RIPOR1: variants seen among roughly 807,000 people sequenced by gnomAD.
The protein encoded by RIPOR1 is rho family-interacting cell polarization regulator 1.
In RIPOR1, 58 loss-of-function variants were observed where a neutral mutation model predicts 116.5. That is an observed-to-expected ratio of 0.50 (90% confidence interval 0.40 to 0.62). The LOEUF (loss-of-function observed/expected upper bound fraction) is 0.62, where lower values mean the gene tolerates loss of function less well. RIPOR1 is among the 20% of genes least tolerant of loss of function. RIPOR1 has a pLI of 0.00. For missense variants in RIPOR1, 1,372 were observed against 1,586.2 expected (o/e 0.86, Z 2.29); for synonymous variants, 605 against 650.0 (o/e 0.93, Z 1.05).
Position 67,540,833 on chromosome 16 carries a change from A to G in RIPOR1, c.801+129A>G, listed in dbSNP as rs1453301181. 1.0e-6 allele frequency: 1 copy of G among 990,560 alleles called. No homozygotes were observed. Among genetic ancestry groups the G allele is most frequent in the East Asian group, 2.5e-5 (1 of 40,232 alleles). 61.4% of individuals were successfully genotyped at this position (990,560 alleles called of 1,614,324 possible). Reference sequence around the variant, plus strand: ...AGCCCTGTGAAGATATGATTCCATGACCTTCATGATCTCTGTGGCCCTGAG... The same window carrying G: ...AGCCCTGTGAAGATATGATTCCATGGCCTTCATGATCTCTGTGGCCCTGAG... On this transcript the variant is annotated intron_variant, in intron 10 of 21. Coordinates refer to ENST00000042381, the MANE Select transcript of RIPOR1 (RefSeq NM_024519.4). This position sits in a 1 kb window ranked among gnomAD's most constrained non-coding sequence, Gnocchi z 4.7.
rs951785029 is a variant in RIPOR1, at chr16:67,544,533, C to G, written c.2733+102C>G. On this transcript the variant is annotated intron_variant, in intron 15 of 21. Coordinates refer to ENST00000042381, the MANE Select transcript of RIPOR1 (RefSeq NM_024519.4). The surrounding 1 kb of genome is among the most constrained non-coding windows in gnomAD (Gnocchi z 5.1). ...TCTATACCTCCTCTGAGTGCCACAC[C>G]CCAGTGCCCCAGGGCCCTTGGCATC... The G allele has an allele frequency of 1.8e-5, 28 of 1,531,910 alleles. No individual in the cohort carries two copies. Among genetic ancestry groups the G allele is most frequent in the Non-Finnish European group, 2.5e-5 (28 of 1,130,848 alleles). 94.9% of individuals were successfully genotyped at this position (1,531,910 alleles called of 1,614,324 possible).
intron 1 of RIPOR1, chr16:67,538,039 A>G (rs1025102907): frequency 5.0e-6 from 1 of 201,338 alleles, no homozygotes; most frequent in African/African-American, 2.3e-5. Flanking sequence ...GGGGGGGGAA[A>G]TCGGGGGCAG....
rs748329109 is a variant in RIPOR1, at chr16:67,545,442, G to A, written c.3098G>A (p.Gly1033Glu). 1.2e-6 allele frequency: 2 copies of A among 1,613,940 alleles called. No homozygotes were observed. Among genetic ancestry groups the A allele is most frequent in the African/African-American group, 2.7e-5 (2 of 74,952 alleles). Residue 1033 changes from glycine (G) to glutamate (E), a missense_variant, in exon 18 of 22, where the codon GGA becomes GAA. By Grantham distance (98) the Gly-to-Glu change is moderately conservative. Transcript: ENST00000042381. This position sits in a 1 kb window ranked among gnomAD's most constrained non-coding sequence, Gnocchi z 4.8. ...KLPRRPQPGP[G>E]EQLTVFQFWS... ...CCCAGAAGGCCCCAGCCAGGGCCTG[G>A]AGAGCAGCTCACAGTCTTCCAGTTC...
chr16:67,545,230 A>C lies in RIPOR1; in HGVS notation c.3031+113A>C. 6.5e-7 allele frequency: 1 copy of C among 1,532,486 alleles called. No individual in the cohort carries two copies. The highest frequency in any genetic ancestry group is 2.3e-5 in the East Asian group (1 of 44,166). 94.9% of individuals were successfully genotyped at this position (1,532,486 alleles called of 1,614,324 possible). A position where few individuals can be genotyped will look rare whatever the true frequency, so the allele number is the denominator to read the frequency against. ...CGAACTGGGCACCGAGGAGACCAGC[A>C]AAGACTTGGGCCTTAGAGCAGAAGG... On this transcript the variant is annotated intron_variant, in intron 17 of 21. Coordinates refer to ENST00000042381, the MANE Select transcript of RIPOR1 (RefSeq NM_024519.4). The surrounding 1 kb of genome is among the most constrained non-coding windows in gnomAD (Gnocchi z 4.8).
rs2050931812 is a variant in RIPOR1 at position 67,540,127 on chromosome 16, C to T, written c.489C>T (p.Tyr163=). Reference sequence around the variant, plus strand: ...GTGCCTACAACATGGTCCGTGCCTACACCACTGGGTCCCCGGGAAGCCGAG... The same window carrying T: ...GTGCCTACAACATGGTCCGTGCCTATACCACTGGGTCCCCGGGAAGCCGAG... ...RDGAYNMVRA[Y]TTGSPGSREA... is the part of the protein sequence containing the mutation. The change falls in exon 7 of 22, where the codon TAC becomes TAT. Residue 163 remains tyrosine (Y), a synonymous_variant. Coordinates refer to ENST00000042381, the MANE Select transcript of RIPOR1 (RefSeq NM_024519.4). The surrounding 1 kb of genome is among the most constrained non-coding windows in gnomAD (Gnocchi z 4.7). 4 of 1,614,078 alleles carry T rather than the reference C, an allele frequency of 2.5e-6. No individual in the cohort carries two copies. Among genetic ancestry groups the T allele is most frequent in the African/African-American group, 1.3e-5 (1 of 74,918 alleles).
rs1384578778 is a variant in RIPOR1 at position 67,530,256 on chromosome 16, C to T, written c.-24+1342C>T. Among the ~76,000 whole-genome samples, 1 of 152,164 alleles carries T rather than the reference C, an allele frequency of 6.6e-6. No homozygotes were observed. Among genetic ancestry groups the T allele is most frequent in the Non-Finnish European group, 1.5e-5 (1 of 68,000 alleles). ...TGGCCAGGCCCGGCCCGGGGGAGGC[C>T]GCCTGGCTCCCAGCGCGCGGCCAGG... On this transcript the variant is annotated intron_variant, in intron 1 of 21. Transcript: ENST00000042381. This position sits in a 1 kb window ranked among gnomAD's most constrained non-coding sequence, Gnocchi z 4.5.
intron 1 of RIPOR1, among the ~76,000 whole-genome samples, chr16:67,533,838 G>C (rs1027539342): frequency 2.2e-5 from 3 of 138,754 alleles, no homozygotes; most frequent in Non-Finnish European, 4.6e-5. Context: ...ATGGAGTTTT[G>C]CTCTTGTCGC....
chr16:67,539,011 G>GC lies in RIPOR1; in HGVS notation c.280dup (p.Gln94ProfsTer24). ...TCAGGGCCTACTTGGAAGTGCACCA[G>GC]CAGGAGCAAGAGAAACTCCAGGGGC... On this transcript the variant is annotated frameshift_variant, in exon 4 of 22. Coordinates refer to ENST00000042381, the MANE Select transcript of RIPOR1 (RefSeq NM_024519.4). LOFTEE classifies it high-confidence loss of function. 6.2e-7 allele frequency: 1 copy of GC among 1,613,728 alleles called. No individual in the cohort carries two copies. The highest frequency in any genetic ancestry group is 8.5e-7 in the Non-Finnish European group (1 of 1,179,914).
intron 1 of RIPOR1, among the ~76,000 whole-genome samples, chr16:67,518,947 G>C (rs2050470362): frequency 6.6e-6 from 1 of 152,240 alleles, no homozygotes; most frequent in African/African-American, 2.4e-5. Context: ...GAGACCTCAA[G>C]GGTGAGCAGC....
In RIPOR1 at chr16:67,540,850, G is replaced by C. The variant is rs2050960036; in HGVS notation, c.801+146G>C. On this transcript the variant is annotated intron_variant, in intron 10 of 21. Transcript: ENST00000042381. The surrounding 1 kb of genome is among the most constrained non-coding windows in gnomAD (Gnocchi z 4.7). Reference sequence around the variant, plus strand: ...ATTCCATGACCTTCATGATCTCTGTGGCCCTGAGAGGAACAATCTTTGTGA... The same window carrying C: ...ATTCCATGACCTTCATGATCTCTGTCGCCCTGAGAGGAACAATCTTTGTGA... The C allele has an allele frequency of 1.1e-6, 1 of 900,900 alleles. No individual in the cohort carries two copies. Among genetic ancestry groups the C allele is most frequent in the Admixed American group, 2.4e-5 (1 of 41,348 alleles). 55.8% of individuals were successfully genotyped at this position (900,900 alleles called of 1,614,324 possible). A position where few individuals can be genotyped will look rare whatever the true frequency, so the allele number is the denominator to read the frequency against.
In RIPOR1 at chr16:67,543,224, G is replaced by A; in HGVS notation, c.2438G>A (p.Gly813Asp). 6.3e-7 allele frequency: 1 copy of A among 1,577,532 alleles called. No homozygotes were observed. Among genetic ancestry groups the A allele is most frequent in the Non-Finnish European group, 8.6e-7 (1 of 1,159,798 alleles). The change falls in exon 13 of 22, where the codon GGC becomes GAC. Residue 813 changes from glycine to aspartate, a missense_variant. Gly to Asp is a moderately conservative substitution (Grantham distance 94). Coordinates refer to ENST00000042381, the MANE Select transcript of RIPOR1 (RefSeq NM_024519.4). This position sits in a 1 kb window ranked among gnomAD's most constrained non-coding sequence, Gnocchi z 4.7. The stretch of plus-strand genomic sequence containing the variant: ...CGTGGCCAGTTTCCTGAGCTGCAGG[G>A]CCTGGAGCAGGAGGTGACCCGCCTA... ...DYRGQFPELQ[G>D]LEQEVTRLES...
At chr16:67,519,103 G>A (rs1045019198) in intron 1 of RIPOR1, among the ~76,000 whole-genome samples, 1 of 152,172 alleles carries the variant, frequency 6.6e-6, no homozygotes, top group Admixed American at 6.5e-5. Context: ...TGGACAACAC[G>A]ATGAAACCCG....
chr16:67,542,164 T>A lies in RIPOR1; in HGVS notation c.1378T>A (p.Leu460Met). The A allele has an allele frequency of 6.2e-7, 1 of 1,613,568 alleles. No homozygotes were observed. Among genetic ancestry groups the A allele is most frequent in the Non-Finnish European group, 8.5e-7 (1 of 1,179,770 alleles). Residue 460 changes from leucine to methionine, a missense_variant, in exon 13 of 22, where the codon TTG (leucine) becomes ATG (methionine). Transcript: ENST00000042381. The surrounding 1 kb of genome is among the most constrained non-coding windows in gnomAD (Gnocchi z 4.6). ...CAGTGAGGCTAGTGTAGATGCTGCCTTGGCTGAGGCTTCAGTGGAGGCCGT... is the reference window on the plus strand; with the variant it reads ...CAGTGAGGCTAGTGTAGATGCTGCCATGGCTGAGGCTTCAGTGGAGGCCGT... ...HISEASVDAA[L>M]AEASVEAVGP...
chr16:67,545,195 C>T lies in RIPOR1; in HGVS notation c.3031+78C>T. On this transcript the variant is annotated intron_variant, in intron 17 of 21. Coordinates refer to ENST00000042381, the MANE Select transcript of RIPOR1 (RefSeq NM_024519.4). The surrounding 1 kb of genome is among the most constrained non-coding windows in gnomAD (Gnocchi z 4.8). ...AGCTCGGGGAAGCCAGGTCAGCCCA[C>T]ACAGATAAACGAACTGGGCACCGAG... 1.3e-6 allele frequency: 2 copies of T among 1,574,302 alleles called. No homozygotes were observed. The highest frequency in any genetic ancestry group is 1.7e-4 in the Middle Eastern group (1 of 5,978).
rs778032470 is a variant in RIPOR1, at chr16:67,529,834, G to A, written c.-24+920G>A. 4 of 1,535,674 alleles carry A rather than the reference G, an allele frequency of 2.6e-6. No individual in the cohort carries two copies. Among genetic ancestry groups the A allele is most frequent in the Middle Eastern group, 1.7e-4 (1 of 5,980 alleles). Reference sequence around the variant, plus strand: ...ATCTGAGGAGGGTTATGACCATCTGGCAGATGCAGAAACAGGCCCAGAGAG... The same window carrying A: ...ATCTGAGGAGGGTTATGACCATCTGACAGATGCAGAAACAGGCCCAGAGAG... On this transcript the variant is annotated intron_variant, in intron 1 of 21. Transcript: ENST00000042381. The surrounding 1 kb of genome is among the most constrained non-coding windows in gnomAD (Gnocchi z 4.1).
chr16:67,530,559 G>A lies in RIPOR1; in HGVS notation c.-24+1645G>A, dbSNP rs1263499559. Among the ~76,000 whole-genome samples the A allele has an allele frequency of 6.6e-6, 1 of 152,198 alleles. No homozygotes were observed. The highest frequency in any genetic ancestry group is 2.4e-5 in the African/African-American group (1 of 41,456). On this transcript the variant is annotated intron_variant, in intron 1 of 21. Coordinates refer to ENST00000042381, the MANE Select transcript of RIPOR1 (RefSeq NM_024519.4). This position sits in a 1 kb window ranked among gnomAD's most constrained non-coding sequence, Gnocchi z 4.5. ...GGTCGGGGCGGCCCCGGGGTGGGGC[G>A]GGGCTAGACCCGGGGACTCCCAGAG... is the stretch of plus-strand genomic sequence containing the variant.
In RIPOR1 at chr16:67,542,143, G is replaced by C; in HGVS notation, c.1357G>C (p.Glu453Gln). Reference protein sequence around the residue: ...PYSRTLSHISEASVDAALAEA... With the variant: ...PYSRTLSHISQASVDAALAEA... ...CAGTCGGACTCTGAGCCACATCAGT[G>C]AGGCTAGTGTAGATGCTGCCTTGGC... The change falls in exon 13 of 22, where the codon GAG becomes CAG. Residue 453 changes from glutamate to glutamine, a missense_variant. Transcript: ENST00000042381. The surrounding 1 kb of genome is among the most constrained non-coding windows in gnomAD (Gnocchi z 4.6). The C allele has an allele frequency of 6.2e-7, 1 of 1,613,844 alleles. No homozygotes were observed. Among genetic ancestry groups the C allele is most frequent in the Non-Finnish European group, 8.5e-7 (1 of 1,179,802 alleles).
rs766220574 is a variant in RIPOR1 at position 67,542,634 on chromosome 16, TCATACTTCCACAAGCCCCACC to T, written c.1854_1874del (p.Ser619_Thr625del). On this transcript the variant is annotated inframe_deletion, in exon 13 of 22. Coordinates refer to ENST00000042381, the MANE Select transcript of RIPOR1 (RefSeq NM_024519.4). This position sits in a 1 kb window ranked among gnomAD's most constrained non-coding sequence, Gnocchi z 4.6. ...CTACCCATACCACAGCAAGCCCCAC[TCATACTTCCACAAGCCCCACC>T]CATACCCCCACAAGTCCCACCCACA... The T allele has an allele frequency of 1.9e-5, 30 of 1,603,870 alleles. No individual in the cohort carries two copies. The East Asian group carries it at 6.7e-4, about 36-fold the overall frequency.
rs557101135 is a variant in RIPOR1 at position 67,529,335 on chromosome 16, G to A, written c.-24+421G>A. On this transcript the variant is annotated intron_variant, in intron 1 of 21. Coordinates refer to ENST00000042381, the MANE Select transcript of RIPOR1 (RefSeq NM_024519.4). The surrounding 1 kb of genome is among the most constrained non-coding windows in gnomAD (Gnocchi z 4.1). ...GAGGGGGCGACGAAGGGTGCGGGCCGGCCTAGGAGCTGAGCTAATCCTCCT... is the reference window on the plus strand; with the variant it reads ...GAGGGGGCGACGAAGGGTGCGGGCCAGCCTAGGAGCTGAGCTAATCCTCCT... 1.9e-3 allele frequency: 295 copies of A among 156,518 alleles called. 1 individual carries two copies. The highest frequency in any genetic ancestry group is 3.2e-3 in the Non-Finnish European group (225 of 70,722). 9.7% of individuals were successfully genotyped at this position (156,518 alleles called of 1,614,324 possible). A position where few individuals can be genotyped will look rare whatever the true frequency, so the allele number is the denominator to read the frequency against.
Sources: allele counts gnomAD v4.1 joint callset (sites outside exome capture counted in the v4.1 genomes callset), GRCh38; gene constraint gnomAD v4.1.1; non-coding constraint Gnocchi (gnomAD v3.1); transcripts MANE v1.5; gene names NCBI Gene and HGNC (gene_info 2026-07-23, HGNC 2026-07-21).